Variants in C3 observed in about 807,000 individuals in gnomAD.
The protein encoded by C3 is complement C3, also known as C3 and PZP-like alpha-2-macroglobulin domain-containing protein 1.
Under a neutral mutation model 207.9 loss-of-function variants are expected in C3, and 97 were observed. The ratio of observed to expected loss-of-function variants is 0.47; its 90% CI spans 0.40 to 0.55. C3 has a LOEUF of 0.55. Among genes scored for constraint, C3 ranks in the 20% least tolerant of loss-of-function variants. The pLI is 0.00. For missense variants in C3, 1,684 were observed against 2,171.7 expected (o/e 0.78, Z 4.46); for synonymous variants, 848 against 857.6 (o/e 0.99, Z 0.20).
chr19:6,715,393 T>C (rs1968008817), intron 4 of C3, among the ~76,000 whole-genome samples: 1 of 152,042 alleles, frequency 6.6e-6, no homozygotes, highest in South Asian at 2.1e-4. Flanking sequence ...GGAGGACAGC[T>C]TGGGCCCAGG....
chr19:6,711,002 G>A lies in C3; in HGVS notation c.1464C>T (p.Arg488=), dbSNP rs1183147628. Residue 488 remains arginine, a synonymous_variant, in exon 12 of 41, where the codon CGC becomes CGT. Transcript: ENST00000245907. ...RMDRAHEAKI[R]YYTYLIMNKG... ...GGCCACGGACCAGGTAGGTGTAGTA[G>A]CGGATCTTGGCCTCGTGGGCGCGGT... 6.2e-7 allele frequency: 1 copy of A among 1,614,098 alleles called. No homozygotes were observed. Among genetic ancestry groups the A allele is most frequent in the Non-Finnish European group, 8.5e-7 (1 of 1,179,986 alleles).
chr19:6,684,659 A>G lies in C3; in HGVS notation c.4030-9T>C. On this transcript the variant is annotated splice_polypyrimidine_tract_variant and intron_variant, in intron 31 of 40. Coordinates refer to ENST00000245907, the MANE Select transcript of C3 (RefSeq NM_000064.4). ...TGGTACATTGTCACCACCTGGTAAG[A>G]TGGGAGAGGAGACACAATGTCAGCC... 6.2e-7 allele frequency: 1 copy of G among 1,610,588 alleles called. No homozygotes were observed. Among genetic ancestry groups the G allele is most frequent in the Non-Finnish European group, 8.5e-7 (1 of 1,176,840 alleles).
chr19:6,690,604 G>T, intron 27 of C3, 25 bp downstream of exon 27: 1 of 1,582,136 alleles, frequency 6.3e-7, no homozygotes, highest in South Asian at 1.1e-5. Flanking sequence ...AGGTAGGGTA[G>T]GGTGGGAAGA....
At chr19:6,708,208 C>T (rs1023988926) in intron 14 of C3, among the ~76,000 whole-genome samples, 2 of 152,084 alleles carry the variant, frequency 1.3e-5, no homozygotes, top group South Asian at 4.1e-4. Context: ...GTGATCTCCG[C>T]TCACTGTAAC....
Position 6,707,072 on chromosome 19 carries a change from C to T in C3, c.2245+4G>A, listed in dbSNP as rs759895033. On this transcript the variant is annotated splice_donor_region_variant and intron_variant, in intron 17 of 40. Coordinates refer to ENST00000245907, the MANE Select transcript of C3 (RefSeq NM_000064.4). ...TCCCCCTGTCCCCACCCCGTGGGAC[C>T]TACTCCTGGCCAGGCCCAGGTGGCT... The T allele has an allele frequency of 1.9e-6, 3 of 1,609,924 alleles. No homozygotes were observed. Among genetic ancestry groups the T allele is most frequent in the Non-Finnish European group, 2.5e-6 (3 of 1,179,328 alleles).
chr19:6,718,005 TC>T, intron 4 of C3, 88 bp downstream of exon 4: 1 of 1,299,644 alleles, frequency 7.7e-7, no homozygotes, highest in African/African-American at 1.5e-5. Context: ...CTGCACCCCT[TC>T]CGGTGTGTCT....
chr19:6,702,680 T>C (rs2145417994), intron 17 of C3, 101 bp from the exon 18 acceptor site: 1 of 816,208 alleles, frequency 1.2e-6, no homozygotes, highest in Non-Finnish European at 2.2e-6. Flanking sequence ...GGTGGATCAC[T>C]TGAGGCCAGG....
intron 4 of C3, among the ~76,000 whole-genome samples, chr19:6,715,829 G>A (rs1968022142): frequency 6.6e-6 from 1 of 151,934 alleles, no homozygotes; most frequent in African/African-American, 2.4e-5. Flanking sequence ...GTTTCACCGT[G>A]TTAGCCAGGA....
rs1407691956 is a variant in C3, at chr19:6,707,069, G to A, written c.2245+7C>T. The A allele has an allele frequency of 6.2e-7, 1 of 1,607,788 alleles. No individual in the cohort carries two copies. Among genetic ancestry groups the A allele is most frequent in the South Asian group, 1.1e-5 (1 of 90,926 alleles). ...CCCTCCCCCTGTCCCCACCCCGTGG[G>A]ACCTACTCCTGGCCAGGCCCAGGTG... On this transcript the variant is annotated splice_region_variant and intron_variant, in intron 17 of 40. Coordinates refer to ENST00000245907, the MANE Select transcript of C3 (RefSeq NM_000064.4).
In C3 at chr19:6,696,679, G is replaced by A. The variant is rs1380266044; in HGVS notation, c.2797-20C>T. The A allele has an allele frequency of 6.2e-7, 1 of 1,608,406 alleles. No individual in the cohort carries two copies. Among genetic ancestry groups the A allele is most frequent in the African/African-American group, 1.3e-5 (1 of 74,840 alleles). ...TTCCGGCTACGCAGTGTTAGAGGTG[G>A]GGGGAGTCGTTGGATGAATAAAAGA... On this transcript the variant is annotated intron_variant, in intron 21 of 40. Transcript: ENST00000245907.
rs1917745462 is a variant in C3 at position 6,677,799 on chromosome 19, T to G, written c.*83A>C. Reference sequence around the variant, plus strand: ...GCTGCAGGTGAGGCGGCTGGGGATTTCAGCCTCTCCCTCTTGGCAAAGAAC... The same window carrying G: ...GCTGCAGGTGAGGCGGCTGGGGATTGCAGCCTCTCCCTCTTGGCAAAGAAC... On this transcript the variant is annotated 3_prime_UTR_variant, in exon 41 of 41. Coordinates refer to ENST00000245907, the MANE Select transcript of C3 (RefSeq NM_000064.4). 1 of 1,560,864 alleles carries G rather than the reference T, an allele frequency of 6.4e-7. No homozygotes were observed. Among genetic ancestry groups the G allele is most frequent in the African/African-American group, 1.4e-5 (1 of 73,902 alleles).
In C3 at chr19:6,685,102, G is replaced by A. The variant is rs142359391; in HGVS notation, c.3855C>T (p.Asp1285=). 777 of 1,614,008 alleles carry A rather than the reference G, an allele frequency of 4.8e-4. No homozygotes were observed. Among genetic ancestry groups the A allele is most frequent in the Non-Finnish European group, 5.9e-4 (693 of 1,179,956 alleles). Residue 1285 remains aspartate (D), a synonymous_variant, in exon 30 of 41, where the codon GAC becomes GAT. Coordinates refer to ENST00000245907, the MANE Select transcript of C3 (RefSeq NM_000064.4). The stretch of plus-strand genomic sequence containing the variant: ...GGTTCAGTTCCTGGTGGTCAGGGGC[G>A]TCCTTTTGGTATTGAGCCAAGGCTT... The part of the protein sequence containing the change: ...VFQALAQYQK[D]APDHQELNLD...
In C3 at chr19:6,686,133, G is replaced by A; in HGVS notation, c.3801C>T (p.Gly1267=). 8 of 1,614,078 alleles carry A rather than the reference G, an allele frequency of 5.0e-6. No homozygotes were observed. Among genetic ancestry groups the A allele is most frequent in the Non-Finnish European group, 5.9e-6 (7 of 1,180,016 alleles). Residue 1267 remains glycine (G), a synonymous_variant, in exon 29 of 41, where the codon GGC becomes GGT. Transcript: ENST00000245907. ...CTGTGGGCCCACTTGCCTGGGTAGA[G>A]CCATAGCCACCACCGTAGTATCTCT... ...NEQRYYGGGY[G]STQATFMVFQ...
At chr19:6,720,493 T>C in intron 1 of C3, 23 bp downstream of exon 1, 3 of 1,553,794 alleles carry the variant, frequency 1.9e-6, no homozygotes, top group Non-Finnish European at 2.6e-6. Flanking sequence ...GCCCTGTTTG[T>C]GGGTAGAGTC....
In C3 at chr19:6,702,693, T is replaced by C. The variant is rs567810610; in HGVS notation, c.2246-114A>G. 7.0e-4 allele frequency: 540 copies of C among 770,056 alleles called. 1 individual carries two copies. Among genetic ancestry groups the C allele is most frequent in the African/African-American group, 7.0e-3 (413 of 58,934 alleles). The allele number at this position is 770,056 out of a possible 1,614,324, so 47.7% of individuals were successfully genotyped here. A position where few individuals can be genotyped will look rare whatever the true frequency, so the allele number is the denominator to read the frequency against. On this transcript the variant is annotated intron_variant, in intron 17 of 40. Transcript: ENST00000245907. ...CAGGTGGATCACTTGAGGCCAGGAG[T>C]TGGAGACCAGCCTAGCTAACATGGT...
chr19:6,681,340 TAAAA>T (rs71177112), intron 35 of C3, among the ~76,000 whole-genome samples: 1 of 95,122 alleles, frequency 1.1e-5, no homozygotes, highest in African/African-American at 4.1e-5. Flanking sequence ...AGGCTGCAGT[TAAAA>T]AAAAAAAAAA....
At chr19:6,690,536 G>C (rs548484687) in intron 27 of C3, 93 bp downstream of exon 27, 4 of 962,538 alleles carry the variant, frequency 4.2e-6, no homozygotes, top group Non-Finnish European at 6.8e-6. Flanking sequence ...TGGGAGAGCT[G>C]CAAATTCCCT....
intron 33 of C3, chr19:6,683,370 T>C (rs1917913176): frequency 6.6e-6 from 1 of 151,876 alleles, no homozygotes; most frequent in South Asian, 2.1e-4. Context: ...TGTTCTAATG[T>C]TTTAAATTAC....
chr19:6,686,986 CA>C, intron 27 of C3, 84 bp from the exon 28 acceptor site: 1 of 1,395,394 alleles, frequency 7.2e-7, no homozygotes, highest in Non-Finnish European at 1.0e-6. Flanking sequence ...ACTTCCTGAG[CA>C]TCAGGGATTT....
Sources: allele counts gnomAD v4.1 joint callset (sites outside exome capture counted in the v4.1 genomes callset), GRCh38; gene constraint gnomAD v4.1.1; transcripts MANE v1.5; gene names NCBI Gene and HGNC (gene_info 2026-07-23, HGNC 2026-07-21).